ARSB: variants seen among roughly 807,000 people sequenced by gnomAD.
The protein encoded by ARSB is arylsulfatase B, also known as N-acetylgalactosamine-4-sulfatase.
ARSB carries 41 observed loss-of-function variants against 50.9 expected under a neutral mutation model. That is an observed-to-expected ratio of 0.81 (90% CI 0.63 to 1.04). The LOEUF is 1.04. Ranked by LOEUF, ARSB falls within the 50% of genes least tolerant of loss-of-function variation. The pLI is 0.00. For synonymous variants in ARSB, 269 were observed against 284.8 expected (o/e 0.94, Z 0.56); for missense variants, 672 against 693.3 (o/e 0.97, Z 0.35).
At chr5:78,871,458 C>G (rs995130196) in intron 5 of ARSB, among the ~76,000 whole-genome samples, 1 of 150,864 alleles carries the variant, frequency 6.6e-6, no homozygotes, top group Non-Finnish European at 1.5e-5. Flanking sequence ...GTACTGGTAC[C>G]AAAACAGAGA....
At chr5:78,974,159 C>T (rs1752571474) in intron 1 of ARSB, among the ~76,000 whole-genome samples, 1 of 152,220 alleles carries the variant, frequency 6.6e-6, no homozygotes, top group African/African-American at 2.4e-5. Context: ...AATCTGCTCC[C>T]TCCCCACAGA....
intron 4 of ARSB, among the ~76,000 whole-genome samples, chr5:78,909,956 C>T (rs922178225): frequency 4.6e-5 from 7 of 152,162 alleles, no homozygotes; most frequent in South Asian, 4.1e-4. Context: ...TGGCGGGAGG[C>T]GAGACATGTT....
At chr5:78,875,003 C>T (rs1747420552) in intron 5 of ARSB, among the ~76,000 whole-genome samples, 2 of 151,934 alleles carry the variant, frequency 1.3e-5, no homozygotes, top group African/African-American at 4.8e-5. Flanking sequence ...GTGCCAGCTA[C>T]TTGGGAGGCT....
chr5:78,778,796 G>T lies in ARSB; in HGVS notation c.*1601C>A, dbSNP rs1265744034. 6.6e-6 allele frequency: 1 copy of T among 152,186 alleles called. No homozygotes were observed. The highest frequency in any genetic ancestry group is 1.5e-5 in the Non-Finnish European group (1 of 68,038). 9.4% of individuals were successfully genotyped at this position (152,186 alleles called of 1,614,324 possible). On this transcript the variant is annotated 3_prime_UTR_variant, in exon 8 of 8. Transcript: ENST00000264914. ...CCAGCACTTTTGGAGCCCAAGCTGG[G>T]ATAATTGCTGGAGCCCAGGAGTTTA... is the stretch of plus-strand genomic sequence containing the variant.
chr5:78,797,137 C>T (rs1743214747), intron 6 of ARSB, among the ~76,000 whole-genome samples: 1 of 152,176 alleles, frequency 6.6e-6, no homozygotes, highest in Admixed American at 6.5e-5. Context: ...CTCGGCCTCC[C>T]AAAGTGCTGG....
intron 5 of ARSB, among the ~76,000 whole-genome samples, chr5:78,871,202 G>C (rs1747148859): frequency 6.6e-6 from 1 of 151,488 alleles, no homozygotes; most frequent in Non-Finnish European, 1.5e-5. Context: ...CATGCTCATG[G>C]GTAGGAAGAA....
chr5:78,955,648 T>C (rs1383556488), intron 3 of ARSB, 146 bp from the exon 4 acceptor site: 5 of 732,358 alleles, frequency 6.8e-6, no homozygotes, highest in African/African-American at 1.7e-5. Flanking sequence ...ATCACATGTA[T>C]GATAAGGGAC....
In ARSB at chr5:78,871,378, AC is replaced by A. The variant is rs559754986; in HGVS notation, c.1142+14205del. 3.1e-3 allele frequency among the ~76,000 whole-genome samples: 467 copies of A among 151,736 alleles called. 3 individuals carry two copies. Among genetic ancestry groups the A allele is most frequent in the African/African-American group, 0.01 (434 of 41,516 alleles). ...GCCAAGTCAATCCTAAGCCAAAAGA[AC>A]AAAGCTGGAGGCATCACACTACCTG... On this transcript the variant is annotated intron_variant, in intron 5 of 7. Coordinates refer to ENST00000264914, the MANE Select transcript of ARSB (RefSeq NM_000046.5).
At chr5:78,894,884 A>G (rs1371981472) in intron 4 of ARSB, among the ~76,000 whole-genome samples, 2 of 152,156 alleles carry the variant, frequency 1.3e-5, no homozygotes, top group East Asian at 3.9e-4. Flanking sequence ...TTGACACTGG[A>G]CATCCCAAGC....
chr5:78,854,243 CATT>C (rs1390001868), intron 5 of ARSB, among the ~76,000 whole-genome samples: 1 of 152,170 alleles, frequency 6.6e-6, no homozygotes, highest in African/African-American at 2.4e-5. Context: ...CTGCTTTCAT[CATT>C]ATTTCTTTCC....
At chr5:78,918,960 G>T (rs889010730) in intron 4 of ARSB, among the ~76,000 whole-genome samples, 1 of 152,162 alleles carries the variant, frequency 6.6e-6, no homozygotes, top group African/African-American at 2.4e-5. Flanking sequence ...ATAAAATGCT[G>T]CAGTTGAGTA....
At chr5:78,919,791 G>A (rs558072952) in intron 4 of ARSB, among the ~76,000 whole-genome samples, 60 of 152,236 alleles carry the variant, frequency 3.9e-4, no homozygotes, top group African/African-American at 1.2e-3. Context: ...GTGAGCCACC[G>A]CACCCTGCTG....
intron 6 of ARSB, among the ~76,000 whole-genome samples, chr5:78,813,356 G>A (rs1743883886): frequency 6.6e-6 from 1 of 151,996 alleles, no homozygotes; most frequent in Admixed American, 6.6e-5. Flanking sequence ...GATCCACCAC[G>A]CCCAGCCAAT....
Position 78,834,607 on chromosome 5 carries a change from GTATATATATATATATATATATATA to G in ARSB, c.1213+4725_1213+4748del, listed in dbSNP as rs58773415. Among the ~76,000 whole-genome samples, 129 of 85,644 alleles carry G rather than the reference GTATATATATATATATATATATATA, an allele frequency of 1.5e-3. 2 individuals are homozygous for G. Among genetic ancestry groups the G allele is most frequent in the African/African-American group, 2.9e-3 (74 of 25,214 alleles). The allele number at this position is 85,644 out of a possible 152,430, so 56.2% of individuals were successfully genotyped here. A position where few individuals can be genotyped will look rare whatever the true frequency, so the allele number is the denominator to read the frequency against. On this transcript the variant is annotated intron_variant, in intron 6 of 7. Transcript: ENST00000264914. ...ATACTATTTCATGGTATATATATGT[GTATATATATATATATATATATATA>G]TATATATATATATATGCCACATTTT...
intron 4 of ARSB, among the ~76,000 whole-genome samples, chr5:78,893,399 A>C (rs1034381051): frequency 6.6e-6 from 1 of 152,250 alleles, no homozygotes; most frequent in African/African-American, 2.4e-5. Flanking sequence ...TCAGGGATGA[A>C]TGAGGATTAA....
chr5:78,935,064 G>A (rs2112405168), intron 4 of ARSB, among the ~76,000 whole-genome samples: 1 of 152,108 alleles, frequency 6.6e-6, no homozygotes, highest in South Asian at 2.1e-4. Context: ...AAAAGGAGAT[G>A]AATTAAAAGC....
chr5:78,931,995 C>A (rs1750346048), intron 4 of ARSB, among the ~76,000 whole-genome samples: 1 of 152,202 alleles, frequency 6.6e-6, no homozygotes, highest in South Asian at 2.1e-4. Flanking sequence ...GAGGCCTCCC[C>A]AGCCATGTGG....
intron 6 of ARSB, among the ~76,000 whole-genome samples, chr5:78,797,604 C>T (rs73120679): frequency 3.9e-5 from 6 of 152,240 alleles, no homozygotes; most frequent in African/African-American, 9.6e-5. Context: ...CCTGTATCCA[C>T]CATGGACAAT....
intron 7 of ARSB, among the ~76,000 whole-genome samples, chr5:78,781,323 CTTT>C (rs376851173): frequency 5.3e-5 from 4 of 75,322 alleles, no homozygotes; most frequent in Non-Finnish European, 6.7e-5. Flanking sequence ...CTCTCTCTCT[CTTT>C]TTTTTTTTTT....
Sources: allele counts gnomAD v4.1 joint callset (sites outside exome capture counted in the v4.1 genomes callset), GRCh38; gene constraint gnomAD v4.1.1; transcripts MANE v1.5; gene names NCBI Gene and HGNC (gene_info 2026-07-23, HGNC 2026-07-21).